Variants in ZDHHC15 observed in about 807,000 individuals in gnomAD.
ZDHHC15 encodes the protein zDHHC palmitoyltransferase 15, also known as palmitoyltransferase ZDHHC15.
Under a neutral mutation model 31.7 loss-of-function variants are expected in ZDHHC15, and 19 were observed. That is an observed-to-expected ratio of 0.60 (90% CI 0.42 to 0.88). The LOEUF (loss-of-function observed/expected upper bound fraction) is 0.88, where lower values mean the gene tolerates loss of function less well. ZDHHC15 is among the 40% of genes least tolerant of loss of function. The pLI, the probability that ZDHHC15 is intolerant of heterozygous loss-of-function variation, is 0.00. For missense variants in ZDHHC15, 209 were observed against 251.2 expected, an observed-to-expected ratio of 0.83 and a Z score of 1.14; for synonymous variants, 103 against 90.0, an observed-to-expected ratio of 1.14 and a Z score of -0.82.
intron 9 of ZDHHC15, among the ~76,000 whole-genome samples, chrX:75,421,179 G>T (rs1005290570): frequency 1.0e-5 from 1 of 96,863 alleles, no homozygotes; most frequent in Non-Finnish European, 2.1e-5. Context: ...TGAATTTTTC[G>T]TTTTTCACTT....
chrX:75,434,971 T>A (rs2083830882), intron 4 of ZDHHC15, among the ~76,000 whole-genome samples: 1 of 112,411 alleles, frequency 8.9e-6, no homozygotes, highest in Admixed American at 9.4e-5. Context: ...TTCATGGGCA[T>A]GGGATGTGTT....
chrX:75,480,849 A>T (rs2084678552), intron 2 of ZDHHC15, among the ~76,000 whole-genome samples: 1 of 111,831 alleles, frequency 8.9e-6, no homozygotes, highest in Non-Finnish European at 1.9e-5. Context: ...CTATAGGATC[A>T]ATTCTCTGAA....
intron 10 of ZDHHC15, among the ~76,000 whole-genome samples, chrX:75,382,929 ACT>A (rs1189390929): frequency 8.9e-6 from 1 of 111,975 alleles, no homozygotes; most frequent in Non-Finnish European, 1.9e-5. Flanking sequence ...CATGCATTGA[ACT>A]TAGTGGCAGA....
intron 8 of ZDHHC15, among the ~76,000 whole-genome samples, chrX:75,422,517 A>G (rs964411316): frequency 1.8e-5 from 2 of 112,063 alleles, no homozygotes; most frequent in Non-Finnish European, 3.8e-5. Context: ...TAAAATGTCA[A>G]TTGGTGAGCC....
intron 4 of ZDHHC15, among the ~76,000 whole-genome samples, chrX:75,442,985 CAAAAA>C (rs1321633891): frequency 2.3e-5 from 1 of 43,894 alleles, no homozygotes; most frequent in Non-Finnish European, 4.6e-5. Context: ...GACTCCGTCT[CAAAAA>C]AAAAAAAAAA....
intron 11 of ZDHHC15, among the ~76,000 whole-genome samples, chrX:75,378,132 A>T (rs1386579769): frequency 8.9e-6 from 1 of 112,020 alleles, no homozygotes; most frequent in Non-Finnish European, 1.9e-5. Flanking sequence ...AGATTTTGAA[A>T]TGTAGTGCCA....
intron 10 of ZDHHC15, among the ~76,000 whole-genome samples, chrX:75,383,734 GGTTTTTTT>G (rs2083144295): frequency 2.6e-5 from 2 of 77,793 alleles, no homozygotes; most frequent in Non-Finnish European, 4.8e-5. Flanking sequence ...AGAAATGTTA[GGTTTTTTT>G]TTTTTTTTTT....
At chrX:75,435,914 G>T (rs888647060) in intron 4 of ZDHHC15, among the ~76,000 whole-genome samples, 38 of 111,858 alleles carry the variant, frequency 3.4e-4, no homozygotes, top group Admixed American at 2.7e-3. Flanking sequence ...TTCAGTAGGA[G>T]TGGTACCAAT....
At chrX:75,510,601 G>A (rs1474261946) in intron 1 of ZDHHC15, among the ~76,000 whole-genome samples, 1 of 85,482 alleles carries the variant, frequency 1.2e-5, no homozygotes, top group Admixed American at 1.4e-4. Context: ...TATACTTTAA[G>A]TTTTAGGGTA....
At chrX:75,374,498 C>A (rs1178083970) in intron 11 of ZDHHC15, among the ~76,000 whole-genome samples, 1 of 110,062 alleles carries the variant, frequency 9.1e-6, no homozygotes, top group African/African-American at 3.3e-5. Flanking sequence ...AAAAAAAATT[C>A]TATGCCTACC....
At chrX:75,456,188 T>C (rs1342432852) in intron 3 of ZDHHC15, among the ~76,000 whole-genome samples, 1 of 110,782 alleles carries the variant, frequency 9.0e-6, no homozygotes, top group Non-Finnish European at 1.9e-5. Flanking sequence ...AAAGGATGAG[T>C]TCATGTCCTT....
chrX:75,518,725 A>G (rs1411636072), intron 1 of ZDHHC15, among the ~76,000 whole-genome samples: 2 of 97,358 alleles, frequency 2.1e-5, no homozygotes, highest in Non-Finnish European at 4.1e-5. Context: ...CAAAAGGTAG[A>G]AATAGCCCAA....
At chrX:75,474,358 C>T (rs898756302) in intron 3 of ZDHHC15, among the ~76,000 whole-genome samples, 2 of 108,158 alleles carry the variant, frequency 1.8e-5, no homozygotes, top group Non-Finnish European at 3.8e-5. Context: ...GACTGGCTTT[C>T]CTTGCTCCTC....
chrX:75,502,930 G>A (rs1230339695), intron 2 of ZDHHC15, among the ~76,000 whole-genome samples: 3 of 110,488 alleles, frequency 2.7e-5, no homozygotes, highest in East Asian at 2.8e-4. Flanking sequence ...GTATTTGATG[G>A]CACAACAGGG....
intron 10 of ZDHHC15, among the ~76,000 whole-genome samples, chrX:75,409,130 C>T (rs1214803642): frequency 9.0e-6 from 1 of 111,179 alleles, no homozygotes; most frequent in Admixed American, 9.5e-5. Context: ...AAAAAGACCC[C>T]AAATAGCCAA....
intron 8 of ZDHHC15, 152 bp downstream of exon 8, chrX:75,424,500 C>T (rs1031872386): frequency 4.9e-5 from 28 of 567,492 alleles, no homozygotes; most frequent in Middle Eastern, 6.1e-4. Context: ...CTTTCTATTT[C>T]GGTAAAATGT....
At chrX:75,409,363 C>T (rs937868366) in intron 10 of ZDHHC15, among the ~76,000 whole-genome samples, 5 of 108,920 alleles carry the variant, frequency 4.6e-5, no homozygotes, top group African/African-American at 1.7e-4. Flanking sequence ...TTGTGTACGC[C>T]TGTAATCCTA....
rs1327467787 is a variant in ZDHHC15, at chrX:75,395,854, A to G, written c.968-16656T>C. 2.7e-5 allele frequency among the ~76,000 whole-genome samples: 3 copies of G among 112,111 alleles called. No homozygotes were observed. The Admixed American group carries it at 2.8e-4, about 11-fold the overall frequency. On this transcript the variant is annotated intron_variant, in intron 10 of 11. Transcript: ENST00000373367. The stretch of plus-strand genomic sequence containing the variant: ...GGAACAGAATAGAGAACAAAGAGTA[A>G]ACTTATTGTCAACAAAAATGCCAAG...
chrX:75,451,024 C>T (rs2084108688), intron 3 of ZDHHC15, 102 bp from the exon 4 acceptor site: 1 of 975,116 alleles, frequency 1.0e-6, no homozygotes, highest in East Asian at 3.4e-5. Flanking sequence ...TGTTACCTAC[C>T]CTTGAAGCTC....
Sources: gnomAD v4.1 joint callset for allele counts (sites outside exome capture counted in the v4.1 genomes callset) on GRCh38, gnomAD v4.1.1 for gene constraint, MANE v1.5 for transcripts, NCBI Gene and HGNC (gene_info 2026-07-23, HGNC 2026-07-21) for gene names.